The following WASHC2C variants were observed in gnomAD, a reference collection of about 807,000 sequenced individuals.
WASHC2C encodes the protein WASH complex subunit 2C, also known as Vaccinia Penetration Factor.
In WASHC2C, 73 loss-of-function variants were observed where a neutral mutation model predicts 142.2. The ratio of observed to expected loss-of-function variants is 0.51; its 90% CI spans 0.43 to 0.62. The LOEUF is 0.62. WASHC2C is among the 20% of genes least tolerant of loss of function. WASHC2C has a pLI of 0.00. For missense variants in WASHC2C, 969 were observed against 1,531.7 expected, an observed-to-expected ratio of 0.63 and a Z score of 6.13; for synonymous variants, 337 against 565.5, an observed-to-expected ratio of 0.60 and a Z score of 5.73.
At chr10:45,790,291 C>A in intron 29 of WASHC2C, 65 bp from the exon 30 acceptor site, 2 of 1,607,424 alleles carry the variant, frequency 1.2e-6, no homozygotes, top group East Asian at 2.2e-5. Flanking sequence ...AGCTTGTTGA[C>A]GTGTTTGAGT....
chr10:45,731,610 A>G (rs1589550494), intron 3 of WASHC2C, among the ~76,000 whole-genome samples: 1 of 149,628 alleles, frequency 6.7e-6, no homozygotes, highest in Non-Finnish European at 1.5e-5. Context: ...TGCAGCCAGA[A>G]CTCTTCTCCG....
intron 4 of WASHC2C, among the ~76,000 whole-genome samples, chr10:45,738,657 TG>T (rs1309033358): frequency 2.6e-5 from 4 of 152,220 alleles, no homozygotes; most frequent in Non-Finnish European, 5.9e-5. Context: ...TAGTTCTGCC[TG>T]TTGCCAGCAT....
intron 18 of WASHC2C, among the ~76,000 whole-genome samples, chr10:45,763,790 T>C (rs1811149): frequency 0.076 from 11,452 of 151,252 alleles, 671 homozygotes; most frequent in African/African-American, 0.17. Flanking sequence ...TGGCTCACTG[T>C]AACCGGGTTC....
At chr10:45,735,376 C>T (rs1409480029) in intron 3 of WASHC2C, among the ~76,000 whole-genome samples, 1 of 150,810 alleles carries the variant, frequency 6.6e-6, no homozygotes, top group Non-Finnish European at 1.5e-5. Context: ...ATTACAGGCA[C>T]CGGCCACCAC....
intron 3 of WASHC2C, among the ~76,000 whole-genome samples, chr10:45,736,658 A>G (rs567470594): frequency 6.6e-6 from 1 of 152,208 alleles, no homozygotes; most frequent in South Asian, 2.1e-4. Flanking sequence ...TGCACGTGTT[A>G]GCTTATATTT....
chr10:45,777,734 C>T (rs2057219737), intron 22 of WASHC2C, among the ~76,000 whole-genome samples: 1 of 91,950 alleles, frequency 1.1e-5, no homozygotes, highest in Non-Finnish European at 2.2e-5. Context: ...ACCCTTGGTC[C>T]TCCTTTGGTC....
chr10:45,749,863 A>T lies in WASHC2C; in HGVS notation c.733-233A>T, dbSNP rs182591769. On this transcript the variant is annotated intron_variant, in intron 8 of 30. Transcript: ENST00000623400. Reference sequence around the variant, plus strand: ...TATATATATATATATATATTTATATATATATATATTTATATTTTATATATA... The same window carrying T: ...TATATATATATATATATATTTATATTTATATATATTTATATTTTATATATA... 7.9e-3 allele frequency among the ~76,000 whole-genome samples: 917 copies of T among 115,448 alleles called. 15 individuals are homozygous for T. The highest frequency in any genetic ancestry group is 9.7e-3 in the East Asian group (32 of 3,314). 75.7% of individuals were successfully genotyped at this position (115,448 alleles called of 152,430 possible).
At chr10:45,791,851 TGAAA>T (rs2058413050) in intron 30 of WASHC2C, among the ~76,000 whole-genome samples, 1 of 146,214 alleles carries the variant, frequency 6.8e-6, no homozygotes, top group Non-Finnish European at 1.5e-5. Flanking sequence ...GCATTTATTC[TGAAA>T]GAAAACAGGT....
At chr10:45,749,775 G>A (rs1346453598) in intron 8 of WASHC2C, among the ~76,000 whole-genome samples, 3 of 142,944 alleles carry the variant, frequency 2.1e-5, no homozygotes, top group Non-Finnish European at 3.0e-5. Flanking sequence ...TCAGTGAGCC[G>A]AGATCGTGCT....
intron 3 of WASHC2C, among the ~76,000 whole-genome samples, chr10:45,735,780 C>A (rs1182665977): frequency 6.6e-6 from 1 of 152,116 alleles, no homozygotes; most frequent in Non-Finnish European, 1.5e-5. Flanking sequence ...ATCAGATTGG[C>A]AGATACTTAA....
At chr10:45,737,952 C>G in intron 3 of WASHC2C, 31 bp from the exon 4 acceptor site, 1 of 1,611,528 alleles carries the variant, frequency 6.2e-7, no homozygotes, top group South Asian at 1.1e-5. Flanking sequence ...ACGTGTTGAC[C>G]TTTTAACATT....
chr10:45,730,016 T>C (rs1201904847), intron 3 of WASHC2C, among the ~76,000 whole-genome samples: 1 of 147,872 alleles, frequency 6.8e-6, no homozygotes, highest in Non-Finnish European at 1.5e-5. Flanking sequence ...AGTTATTTCC[T>C]TTAACAGCAA....
At chr10:45,776,142 A>G (rs1458056246) in intron 21 of WASHC2C, among the ~76,000 whole-genome samples, 3 of 151,986 alleles carry the variant, frequency 2.0e-5, no homozygotes, top group Non-Finnish European at 4.4e-5. Flanking sequence ...ATCTCTTCCT[A>G]ACTAAAAATC....
rs1589814783 is a variant in WASHC2C at position 45,765,949 on chromosome 10, C to A, written c.1869+139C>A. The A allele has an allele frequency of 3.6e-6, 5 of 1,393,976 alleles. No individual in the cohort carries two copies. In the East Asian group the frequency reaches 9.2e-5, roughly 26 times the overall value. The allele number at this position is 1,393,976 out of a possible 1,614,324, so 86.4% of individuals were successfully genotyped here. A position where few individuals can be genotyped will look rare whatever the true frequency, so the allele number is the denominator to read the frequency against. On this transcript the variant is annotated intron_variant, in intron 19 of 30. Coordinates refer to ENST00000623400, the MANE Select transcript of WASHC2C (RefSeq NM_001330074.2). ...GGCGATGTTCACAAGATTGTCTTTTCTGAAGGAAGACATTTAATGTAATAT... is the reference window on the plus strand; with the variant it reads ...GGCGATGTTCACAAGATTGTCTTTTATGAAGGAAGACATTTAATGTAATAT...
At chr10:45,729,359 T>A (rs2050274713) in intron 3 of WASHC2C, among the ~76,000 whole-genome samples, 1 of 152,230 alleles carries the variant, frequency 6.6e-6, no homozygotes, top group African/African-American at 2.4e-5. Flanking sequence ...GTTTACCTGG[T>A]TAGACCCTCT....
At chr10:45,780,998 C>T (rs2057461642) in intron 23 of WASHC2C, among the ~76,000 whole-genome samples, 1 of 151,588 alleles carries the variant, frequency 6.6e-6, no homozygotes. Context: ...AGGTGATCCA[C>T]CTGCCTTAGC....
chr10:45,786,862 A>AT, intron 27 of WASHC2C, 173 bp from the exon 28 acceptor site: 1 of 1,559,780 alleles, frequency 6.4e-7, no homozygotes, highest in Non-Finnish European at 8.7e-7. Context: ...AGTGGTGGGC[A>AT]TAGGTGTAAG....
At chr10:45,773,970 T>C (rs1428417778) in intron 21 of WASHC2C, among the ~76,000 whole-genome samples, 2 of 128,646 alleles carry the variant, frequency 1.6e-5, no homozygotes, top group Non-Finnish European at 3.2e-5. Flanking sequence ...GAAATACACA[T>C]GAATGCCTGG....
At chr10:45,770,038 A>T (rs1307908818) in intron 20 of WASHC2C, among the ~76,000 whole-genome samples, 1 of 151,238 alleles carries the variant, frequency 6.6e-6, no homozygotes, top group Non-Finnish European at 1.5e-5. Context: ...CAGGAGTTCA[A>T]GACCAGCCTG....
Sources: allele counts gnomAD v4.1 joint callset (sites outside exome capture counted in the v4.1 genomes callset), GRCh38; gene constraint gnomAD v4.1.1; transcripts MANE v1.5; gene names NCBI Gene and HGNC (gene_info 2026-07-23, HGNC 2026-07-21).